ETS1: variants seen among roughly 807,000 people sequenced by gnomAD.
The protein encoded by ETS1 is ETS proto-oncogene 1, transcription factor.
In ETS1, 15 loss-of-function variants were observed where a neutral mutation model predicts 58.6. The observed-to-expected ratio is 0.26, with a 90% CI of 0.17 to 0.39. The LOEUF is 0.39. Ranked by LOEUF, ETS1 falls within the 10% of genes least tolerant of loss-of-function variation. The pLI is 1.00. For synonymous variants in ETS1, 214 were observed against 218.2 expected, an observed-to-expected ratio of 0.98 and a Z score of 0.17; for missense variants, 417 against 610.5, an observed-to-expected ratio of 0.68 and a Z score of 3.34.
intron 3 of ETS1, among the ~76,000 whole-genome samples, chr11:128,547,545 G>A (rs1864150864): frequency 6.6e-6 from 1 of 152,146 alleles, no homozygotes; most frequent in African/African-American, 2.4e-5. Flanking sequence ...TTAAATCACT[G>A]GTATTTCTGC....
chr11:128,474,681 C>T (rs1862274647), intron 8 of ETS1, among the ~76,000 whole-genome samples: 1 of 152,196 alleles, frequency 6.6e-6, no homozygotes, highest in Admixed American at 6.5e-5. Flanking sequence ...CCTTTAGGAT[C>T]CACTGCTAAA....
chr11:128,524,609 T>G (rs1591642003), intron 3 of ETS1, among the ~76,000 whole-genome samples: 1 of 152,238 alleles, frequency 6.6e-6, no homozygotes, highest in South Asian at 2.1e-4. Context: ...AATGAAATTT[T>G]TATTCATTCT....
intron 2 of ETS1, among the ~76,000 whole-genome samples, chr11:128,566,532 C>G (rs552993839): frequency 6.6e-6 from 1 of 152,140 alleles, no homozygotes; most frequent in East Asian, 1.9e-4. Context: ...ACCTGTAATC[C>G]CAGCACTTTG....
intron 1 of ETS1, among the ~76,000 whole-genome samples, chr11:128,579,156 T>C (rs757702795): frequency 3.3e-4 from 50 of 152,200 alleles, no homozygotes; most frequent in Non-Finnish European, 4.9e-4. Flanking sequence ...GGTATGAAGA[T>C]GGCACATGGG....
rs35661968 is a variant in ETS1 at position 128,525,029 on chromosome 11, GAA to G, written c.214+31260_214+31261del. 6.0e-5 allele frequency among the ~76,000 whole-genome samples: 9 copies of G among 149,046 alleles called. No homozygotes were observed. The South Asian group carries it at 1.1e-3, about 18-fold the overall frequency. ...CATATCTGGTTTTTAAGGCACTCAGGAAAAAAAAAAATCAATCAAATAAATAC... is the reference window on the plus strand; with the variant it reads ...CATATCTGGTTTTTAAGGCACTCAGGAAAAAAAAATCAATCAAATAAATAC... On this transcript the variant is annotated intron_variant, in intron 3 of 9. Transcript: ENST00000392668.
chr11:128,540,915 A>G (rs927774789), intron 3 of ETS1, among the ~76,000 whole-genome samples: 1 of 152,188 alleles, frequency 6.6e-6, no homozygotes, highest in Admixed American at 6.5e-5. Flanking sequence ...AAGAATAACA[A>G]CGCTCAAGGA....
intron 3 of ETS1, among the ~76,000 whole-genome samples, chr11:128,520,656 T>G (rs1288947315): frequency 6.6e-6 from 1 of 152,150 alleles, no homozygotes; most frequent in Non-Finnish European, 1.5e-5. Flanking sequence ...CCATCATCCT[T>G]GCGAGGAGAC....
chr11:128,523,311 G>A (rs751954060), intron 3 of ETS1, among the ~76,000 whole-genome samples: 22 of 152,176 alleles, frequency 1.4e-4, no homozygotes, highest in Non-Finnish European at 2.5e-4. Flanking sequence ...AAATGAACCC[G>A]AATAATTCAT....
chr11:128,465,794 G>C (rs575949086), intron 8 of ETS1, among the ~76,000 whole-genome samples: 1 of 152,198 alleles, frequency 6.6e-6, no homozygotes, highest in African/African-American at 2.4e-5. Context: ...CTCTACACTC[G>C]TTTCCTTCAT....
At chr11:128,474,401 G>A (rs2135429076) in intron 8 of ETS1, among the ~76,000 whole-genome samples, 1 of 152,182 alleles carries the variant, frequency 6.6e-6, no homozygotes, top group Non-Finnish European at 1.5e-5. Flanking sequence ...AAAAAAAAAA[G>A]TTCATAGTGA....
chr11:128,586,318 G>A (rs1865030417), intron 1 of ETS1, among the ~76,000 whole-genome samples: 1 of 152,134 alleles, frequency 6.6e-6, no homozygotes, highest in Non-Finnish European at 1.5e-5. Flanking sequence ...TAACCCATTA[G>A]CTCTCCCTTC....
intron 8 of ETS1, among the ~76,000 whole-genome samples, chr11:128,475,241 C>T (rs370825416): frequency 1.4e-4 from 22 of 152,376 alleles, no homozygotes; most frequent in African/African-American, 4.3e-4. Context: ...ATTTTGCAAT[C>T]GAGCCTTCCT....
chr11:128,534,117 A>C (rs1265404043), intron 3 of ETS1, among the ~76,000 whole-genome samples: 2 of 152,212 alleles, frequency 1.3e-5, no homozygotes, highest in Non-Finnish European at 2.9e-5. Context: ...TGCACTTTTT[A>C]AATACAATTT....
At chr11:128,492,221 G>A (rs946028644) in intron 3 of ETS1, among the ~76,000 whole-genome samples, 3 of 152,188 alleles carry the variant, frequency 2.0e-5, no homozygotes, top group East Asian at 1.9e-4. Context: ...ACTTTGCTTC[G>A]TTAAAAAATA....
Position 128,568,656 on chromosome 11 carries a change from C to T in ETS1, c.69+4406G>A, listed in dbSNP as rs541823175. ...ATGAGTCCTGCTTTTGAGAAACTGA[C>T]GCTGAGGCAGAGAATGTGAATTCTG... On this transcript the variant is annotated intron_variant, in intron 2 of 9. Transcript: ENST00000392668. Among the ~76,000 whole-genome samples the T allele has an allele frequency of 1.9e-4, 29 of 152,310 alleles. 1 individual carries two copies. Among genetic ancestry groups the T allele is most frequent in the Admixed American group, 1.6e-3 (25 of 15,304 alleles).
intron 1 of ETS1, among the ~76,000 whole-genome samples, chr11:128,573,469 T>C (rs927973050): frequency 6.6e-6 from 1 of 152,150 alleles, no homozygotes; most frequent in African/African-American, 2.4e-5. Context: ...GAACCAGTTC[T>C]TGTGTGTCTC....
At chr11:128,557,945 A>G (rs1181733803) in intron 2 of ETS1, among the ~76,000 whole-genome samples, 1 of 152,194 alleles carries the variant, frequency 6.6e-6, no homozygotes, top group Non-Finnish European at 1.5e-5. Flanking sequence ...CCCTTTCCCA[A>G]TTTGCAATGG....
intron 3 of ETS1, among the ~76,000 whole-genome samples, chr11:128,524,467 T>C (rs1863762034): frequency 6.6e-6 from 1 of 152,208 alleles, no homozygotes; most frequent in South Asian, 2.1e-4. Flanking sequence ...CATCAGAAGT[T>C]ATGCATCGAA....
At chr11:128,569,196 A>T (rs1864569151) in intron 2 of ETS1, among the ~76,000 whole-genome samples, 1 of 152,146 alleles carries the variant, frequency 6.6e-6, no homozygotes, top group South Asian at 2.1e-4. Context: ...TAACAATGAG[A>T]CACATCTCCA....
Sources: gnomAD v4.1 joint callset for allele counts (sites outside exome capture counted in the v4.1 genomes callset) on GRCh38, gnomAD v4.1.1 for gene constraint, MANE v1.5 for transcripts, NCBI Gene and HGNC (gene_info 2026-07-23, HGNC 2026-07-21) for gene names.